The following EML6 variants were observed in gnomAD, a reference collection of about 807,000 sequenced individuals.
The protein encoded by EML6 is echinoderm microtubule-associated protein-like 6.
Under a neutral mutation model 240.1 loss-of-function variants are expected in EML6, and 154 were observed. The observed-to-expected ratio is 0.64, with a 90% CI of 0.56 to 0.73. The LOEUF is 0.73. Among genes scored for constraint, EML6 ranks in the 30% least tolerant of loss-of-function variants. The probability of loss-of-function intolerance (pLI) is 0.00; values close to 1 mark genes in which losing one functional copy is unlikely to be tolerated. For synonymous variants in EML6, 1,148 were observed against 899.0 expected (o/e 1.28, Z -4.95); for missense variants, 2,964 against 2,474.6 (o/e 1.20, Z -4.20).
intron 28 of EML6, among the ~76,000 whole-genome samples, chr2:54,943,983 C>G (rs946445154): frequency 6.6e-6 from 1 of 152,066 alleles, no homozygotes; most frequent in South Asian, 2.1e-4. Context: ...TTGAAAGAAT[C>G]TCTCTTGGCC....
At chr2:54,781,659 A>G (rs1668863448) in intron 2 of EML6, among the ~76,000 whole-genome samples, 1 of 152,058 alleles carries the variant, frequency 6.6e-6, no homozygotes, top group African/African-American at 2.4e-5. Context: ...GTATAAATAA[A>G]TATATATATG....
intron 26 of EML6, among the ~76,000 whole-genome samples, chr2:54,927,160 C>T (rs1357611734): frequency 6.6e-6 from 1 of 152,324 alleles, no homozygotes; most frequent in East Asian, 1.9e-4. Flanking sequence ...TCCTGGAAAT[C>T]CTACCTGCCT....
At chr2:54,810,078 T>A (rs1468768188) in intron 2 of EML6, among the ~76,000 whole-genome samples, 1 of 152,074 alleles carries the variant, frequency 6.6e-6, no homozygotes, top group Non-Finnish European at 1.5e-5. Context: ...GCCAGAGAGG[T>A]GATGTCACAG....
chr2:54,846,617 G>T (rs951124036), intron 8 of EML6, among the ~76,000 whole-genome samples: 4 of 151,660 alleles, frequency 2.6e-5, no homozygotes, highest in African/African-American at 9.7e-5. Context: ...CCAAGTAGCT[G>T]GGATTACAGG....
intron 28 of EML6, among the ~76,000 whole-genome samples, chr2:54,946,516 G>A (rs1675701014): frequency 6.6e-6 from 1 of 152,166 alleles, no homozygotes; most frequent in African/African-American, 2.4e-5. Context: ...TAGATCCACG[G>A]AAAACTGTTA....
In EML6 at chr2:54,928,369, G is replaced by C; in HGVS notation, c.3732G>C (p.Val1244=). Residue 1244 remains valine, a synonymous_variant, in exon 27 of 42, where the codon GTG becomes GTC. Coordinates refer to ENST00000356458, the MANE Select transcript of EML6 (RefSeq NM_001039753.4). ...YVGHSAHVTN[V]RWLHNDSVLL... is the part of the protein sequence containing the mutation. Reference sequence around the variant, plus strand: ...GGCACAGTGCACATGTCACTAACGTGAGGTGGCTGCACAATGACTCTGTGC... The same window carrying C: ...GGCACAGTGCACATGTCACTAACGTCAGGTGGCTGCACAATGACTCTGTGC... The C allele has an allele frequency of 5.2e-6, 8 of 1,552,010 alleles. No homozygotes were observed. The highest frequency in any genetic ancestry group is 7.0e-6 in the Non-Finnish European group (8 of 1,147,098).
chr2:54,949,360 C>T (rs184288842), intron 29 of EML6, among the ~76,000 whole-genome samples: 129 of 152,298 alleles, frequency 8.5e-4, no homozygotes, highest in Middle Eastern at 3.4e-3. Context: ...GCCGGGTGCC[C>T]TGCTCCATAG....
At position 54,931,181 on chromosome 2, in the gene EML6, T is replaced by C. The variant is rs1194031803; in HGVS notation, c.4004+2430T>C. On this transcript the variant is annotated intron_variant, in intron 28 of 41. Coordinates refer to ENST00000356458, the MANE Select transcript of EML6 (RefSeq NM_001039753.4). ...ACCGTGTTAGCCAGGATGGTCTCGA[T>C]CTCCTGACCTCGTGATCCGCCCGCC... Among the ~76,000 whole-genome samples the C allele has an allele frequency of 3.9e-5, 6 of 151,934 alleles. No homozygotes were observed. In the East Asian group the frequency reaches 1.2e-3, roughly 30 times the overall value.
chr2:54,951,940 G>A (rs1676002528), intron 30 of EML6, among the ~76,000 whole-genome samples: 1 of 152,150 alleles, frequency 6.6e-6, no homozygotes, highest in African/African-American at 2.4e-5. Flanking sequence ...TTAGGTTCTT[G>A]AGCATTTGGG....
At chr2:54,739,765 A>T (rs1372687451) in intron 2 of EML6, among the ~76,000 whole-genome samples, 1 of 152,236 alleles carries the variant, frequency 6.6e-6, no homozygotes, top group Admixed American at 6.5e-5. Context: ...AAGAAGGGGC[A>T]TCATTAGATT....
At chr2:54,890,423 C>T (rs1275821701) in intron 17 of EML6, among the ~76,000 whole-genome samples, 1 of 152,092 alleles carries the variant, frequency 6.6e-6, no homozygotes, top group South Asian at 2.1e-4. Flanking sequence ...AAGTCTACAG[C>T]CCAGGTCTAC....
chr2:54,886,016 A>T (rs1644220183), intron 17 of EML6, among the ~76,000 whole-genome samples: 1 of 152,088 alleles, frequency 6.6e-6, no homozygotes, highest in Admixed American at 6.5e-5. Flanking sequence ...GAGACATTCT[A>T]TTCTTTTTAT....
intron 28 of EML6, among the ~76,000 whole-genome samples, chr2:54,929,123 G>T (rs1003103123): frequency 6.6e-6 from 1 of 152,192 alleles, no homozygotes; most frequent in Non-Finnish European, 1.5e-5. Flanking sequence ...AGGATTCTGA[G>T]GTCATGGAGG....
chr2:54,762,538 G>A (rs1191858972), intron 2 of EML6, among the ~76,000 whole-genome samples: 4 of 151,938 alleles, frequency 2.6e-5, no homozygotes, highest in East Asian at 1.9e-4. Context: ...TTTAGTATCC[G>A]TTGCTAATTT....
chr2:54,858,379 A>G (rs549331956), intron 11 of EML6, among the ~76,000 whole-genome samples: 1 of 152,342 alleles, frequency 6.6e-6, no homozygotes, highest in East Asian at 1.9e-4. Context: ...CTGCAAAGAG[A>G]TAGGCTAATT....
chr2:54,804,397 A>G (rs1670354228), intron 2 of EML6, among the ~76,000 whole-genome samples: 1 of 152,254 alleles, frequency 6.6e-6, no homozygotes, highest in African/African-American at 2.4e-5. Flanking sequence ...GAAACTTCTC[A>G]TTAGCAAATT....
intron 24 of EML6, among the ~76,000 whole-genome samples, chr2:54,910,743 A>G (rs1673595778): frequency 6.6e-6 from 1 of 152,230 alleles, no homozygotes; most frequent in Non-Finnish European, 1.5e-5. Context: ...ATCAAATATT[A>G]TGAAGTCCAT....
intron 35 of EML6, among the ~76,000 whole-genome samples, chr2:54,961,410 C>T (rs965805138): frequency 1.3e-5 from 2 of 151,390 alleles, no homozygotes; most frequent in African/African-American, 2.4e-5. Context: ...GTTCTCAAAA[C>T]TCCTGACCTC....
intron 16 of EML6, among the ~76,000 whole-genome samples, chr2:54,875,497 G>A (rs1191420408): frequency 6.6e-6 from 1 of 152,148 alleles, no homozygotes; most frequent in Non-Finnish European, 1.5e-5. Context: ...TACTGATAGC[G>A]TGCTTGTCTC....
Sources: gnomAD v4.1 joint callset for allele counts (sites outside exome capture counted in the v4.1 genomes callset) on GRCh38, gnomAD v4.1.1 for gene constraint, MANE v1.5 for transcripts, NCBI Gene and HGNC (gene_info 2026-07-23, HGNC 2026-07-21) for gene names.